Variants in PTPRD observed in about 807,000 individuals in gnomAD.
PTPRD encodes the protein protein tyrosine phosphatase receptor type D, also known as receptor-type tyrosine-protein phosphatase delta.
In PTPRD, 34 loss-of-function variants were observed where a neutral mutation model predicts 214.5. The observed-to-expected ratio is 0.16, with a 90% CI of 0.12 to 0.21. PTPRD has a LOEUF of 0.21. PTPRD is among the 10% of genes least tolerant of loss of function. The pLI, the probability that PTPRD is intolerant of heterozygous loss-of-function variation, is 1.00. For synonymous variants in PTPRD, 1,128 were observed against 845.7 expected (o/e 1.33, Z -5.79); for missense variants, 2,545 against 2,398.7 (o/e 1.06, Z -1.27).
At chr9:9,074,634 T>G (rs2099748374) in intron 10 of PTPRD, among the ~76,000 whole-genome samples, 1 of 152,116 alleles carries the variant, frequency 6.6e-6, no homozygotes, top group Non-Finnish European at 1.5e-5. Flanking sequence ...GCACCTTTCA[T>G]GTGCCTGTTT....
intron 5 of PTPRD, among the ~76,000 whole-genome samples, chr9:9,788,956 C>T (rs1480898806): frequency 6.6e-6 from 1 of 152,096 alleles, no homozygotes; most frequent in Non-Finnish European, 1.5e-5. Context: ...TTTCCGGTGC[C>T]TCTCTAACAC....
intron 14 of PTPRD, among the ~76,000 whole-genome samples, chr9:8,574,983 C>A (rs894563355): frequency 6.6e-6 from 1 of 151,952 alleles, no homozygotes; most frequent in South Asian, 2.1e-4. Context: ...ATTAATTCAA[C>A]CTTGGCAATA....
chr9:10,093,482 C>G (rs952360535), intron 3 of PTPRD, among the ~76,000 whole-genome samples: 2 of 151,324 alleles, frequency 1.3e-5, no homozygotes, highest in African/African-American at 4.8e-5. Context: ...AACGGGAATG[C>G]TTATACTCTG....
chr9:8,436,410 C>G (rs2095351658), intron 35 of PTPRD, among the ~76,000 whole-genome samples, 182 bp downstream of exon 35: 1 of 152,162 alleles, frequency 6.6e-6, no homozygotes, highest in Admixed American at 6.5e-5. Context: ...CTTTTTCAAA[C>G]TGTAATTACT....
chr9:10,322,354 A>T (rs1160624446), intron 3 of PTPRD, among the ~76,000 whole-genome samples: 3 of 152,102 alleles, frequency 2.0e-5, no homozygotes, highest in Non-Finnish European at 4.4e-5. Context: ...AAGCTATGTT[A>T]GGAAGACACA....
intron 6 of PTPRD, among the ~76,000 whole-genome samples, chr9:9,763,516 C>T (rs927830550): frequency 1.1e-4 from 16 of 152,258 alleles, no homozygotes; most frequent in African/African-American, 3.4e-4. Flanking sequence ...AAATATCCCA[C>T]ATTTTATCAA....
In PTPRD at chr9:8,909,786, TAGAGATAGAC is replaced by T. The variant is rs1345178688; in HGVS notation, c.-104+108901_-104+108910del. ...ATAGAGACAGAGATAGAGATAGAGA[TAGAGATAGAC>T]AGAGATAGAGACAGAGATAGAGATA... On this transcript the variant is annotated intron_variant, in intron 11 of 45. Transcript: ENST00000381196. Among the ~76,000 whole-genome samples the T allele has an allele frequency of 7.4e-3, 1,024 of 138,230 alleles. 7 individuals carry two copies. Among genetic ancestry groups the T allele is most frequent in the Middle Eastern group, 0.035 (7 of 202 alleles). 90.7% of individuals were successfully genotyped at this position (138,230 alleles called of 152,430 possible).
intron 2 of PTPRD, among the ~76,000 whole-genome samples, chr9:10,525,187 G>A (rs2053865633): frequency 6.6e-6 from 1 of 151,718 alleles, no homozygotes; most frequent in Non-Finnish European, 1.5e-5. Flanking sequence ...TATCAGATTT[G>A]TCAAGCCATA....
At chr9:10,424,525 G>C (rs1270335353) in intron 2 of PTPRD, among the ~76,000 whole-genome samples, 1 of 151,922 alleles carries the variant, frequency 6.6e-6, no homozygotes, top group Non-Finnish European at 1.5e-5. Context: ...TCAGCAGTCA[G>C]ACAGGGGAAA....
At chr9:9,415,179 A>C (rs1453761416) in intron 8 of PTPRD, among the ~76,000 whole-genome samples, 4 of 152,212 alleles carry the variant, frequency 2.6e-5, no homozygotes, top group Non-Finnish European at 5.9e-5. Flanking sequence ...TATGAGTCAC[A>C]GAGTTCCTTC....
At chr9:9,433,812 C>A (rs974278116) in intron 8 of PTPRD, among the ~76,000 whole-genome samples, 16 of 152,082 alleles carry the variant, frequency 1.1e-4, no homozygotes, top group Admixed American at 2.0e-4. Context: ...ATTAAGTCAC[C>A]AAATTGGATA....
intron 7 of PTPRD, among the ~76,000 whole-genome samples, chr9:9,669,789 G>T (rs527291355): frequency 1.9e-4 from 29 of 152,052 alleles, no homozygotes; most frequent in African/African-American, 7.0e-4. Flanking sequence ...ACCTTTATGA[G>T]AATATTGAGG....
chr9:8,884,301 G>C (rs761379193), intron 11 of PTPRD, among the ~76,000 whole-genome samples: 9 of 152,202 alleles, frequency 5.9e-5, no homozygotes, highest in Non-Finnish European at 8.8e-5. Context: ...AGAAGGAAAA[G>C]GATGATGCTC....
chr9:9,899,278 A>G (rs963356960), intron 5 of PTPRD, among the ~76,000 whole-genome samples: 1 of 152,058 alleles, frequency 6.6e-6, no homozygotes, highest in Non-Finnish European at 1.5e-5. Flanking sequence ...ATGAAATGGG[A>G]AAAAAGTACT....
At chr9:8,990,023 T>C (rs1021606416) in intron 11 of PTPRD, among the ~76,000 whole-genome samples, 7 of 152,330 alleles carry the variant, frequency 4.6e-5, no homozygotes, top group Non-Finnish European at 1.0e-4. Context: ...CTAGACCTCA[T>C]TTAATCAGAA....
intron 2 of PTPRD, among the ~76,000 whole-genome samples, chr9:10,580,244 T>G (rs571348598): frequency 7.2e-5 from 11 of 152,302 alleles, no homozygotes; most frequent in Middle Eastern, 3.4e-3. Context: ...GGCATCACTA[T>G]AAGCATTTCA....
chr9:8,490,435 A>G (rs1228864760), intron 27 of PTPRD, among the ~76,000 whole-genome samples: 4 of 152,224 alleles, frequency 2.6e-5, no homozygotes, highest in Non-Finnish European at 5.9e-5. Context: ...ACTAGTACCA[A>G]CGCAACAACA....
chr9:10,550,813 A>ACC (rs2061174545), intron 2 of PTPRD, among the ~76,000 whole-genome samples: 1 of 152,242 alleles, frequency 6.6e-6, no homozygotes, highest in Non-Finnish European at 1.5e-5. Context: ...GAAAGGTGCC[A>ACC]CCAGTGGCCA....
At chr9:10,341,358 T>G (rs1479537305) in intron 2 of PTPRD, among the ~76,000 whole-genome samples, 1 of 151,974 alleles carries the variant, frequency 6.6e-6, no homozygotes, top group Non-Finnish European at 1.5e-5. Flanking sequence ...TTGTGCTGAG[T>G]ACATTGTCTA....
Sources: allele counts gnomAD v4.1 joint callset (sites outside exome capture counted in the v4.1 genomes callset), GRCh38; gene constraint gnomAD v4.1.1; transcripts MANE v1.5; gene names NCBI Gene and HGNC (gene_info 2026-07-23, HGNC 2026-07-21).